ITGA9: variants seen among roughly 807,000 people sequenced by gnomAD.
The protein encoded by ITGA9 is integrin subunit alpha 9.
Under a neutral mutation model 127.8 loss-of-function variants are expected in ITGA9, and 56 were observed. The observed-to-expected ratio is 0.44, with a 90% CI of 0.35 to 0.55. The LOEUF (loss-of-function observed/expected upper bound fraction) is 0.55. Among genes scored for constraint, ITGA9 ranks in the 20% least tolerant of loss-of-function variants. The pLI, the probability that ITGA9 is intolerant of heterozygous loss-of-function variation, is 0.00. For synonymous variants in ITGA9, 508 were observed against 514.5 expected, an observed-to-expected ratio of 0.99 and a Z score of 0.17; for missense variants, 1,196 against 1,347.1, an observed-to-expected ratio of 0.89 and a Z score of 1.76.
At chr3:37,756,343 C>T (rs1440534782) in intron 23 of ITGA9, among the ~76,000 whole-genome samples, 3 of 152,138 alleles carry the variant, frequency 2.0e-5, no homozygotes, top group Non-Finnish European at 4.4e-5. Flanking sequence ...TAACCAACAA[C>T]ACAGCTTTAA....
intron 15 of ITGA9, among the ~76,000 whole-genome samples, chr3:37,610,537 C>CAAG (rs1700006290): frequency 6.6e-6 from 1 of 152,146 alleles, no homozygotes; most frequent in Admixed American, 6.5e-5. Context: ...TATTGGCAAA[C>CAAG]TCTAAGATGA....
At chr3:37,572,200 T>A (rs1699609080) in intron 15 of ITGA9, among the ~76,000 whole-genome samples, 1 of 152,114 alleles carries the variant, frequency 6.6e-6, no homozygotes, top group African/African-American at 2.4e-5. Flanking sequence ...AACCTTGTTT[T>A]TTTCCTGTGT....
chr3:37,685,152 G>A (rs755131186), intron 18 of ITGA9, among the ~76,000 whole-genome samples: 1 of 152,146 alleles, frequency 6.6e-6, no homozygotes, highest in South Asian at 2.1e-4. Context: ...TCTGCCCACC[G>A]ATGAGCACTG....
At chr3:37,634,769 A>G (rs1700262200) in intron 16 of ITGA9, among the ~76,000 whole-genome samples, 1 of 152,210 alleles carries the variant, frequency 6.6e-6, no homozygotes, top group Admixed American at 6.5e-5. Flanking sequence ...ACATATACAC[A>G]ACAGTCCATC....
chr3:37,822,601 C>T lies in ITGA9; in HGVS notation c.*3612C>T, dbSNP rs1056908760. The T allele has an allele frequency of 6.6e-6, 1 of 152,178 alleles. No homozygotes were observed. Among genetic ancestry groups the T allele is most frequent in the Non-Finnish European group, 1.5e-5 (1 of 68,044 alleles). 9.4% of individuals were successfully genotyped at this position (152,178 alleles called of 1,614,324 possible). On this transcript the variant is annotated 3_prime_UTR_variant, in exon 28 of 28. Transcript: ENST00000264741. ...TGTAGAAGATCCACTAGGAAGTCCTCCTTCACCAAATCATGTAGCTACTGC... is the reference window on the plus strand; with the variant it reads ...TGTAGAAGATCCACTAGGAAGTCCTTCTTCACCAAATCATGTAGCTACTGC...
At chr3:37,475,140 C>T (rs1698480071) in intron 3 of ITGA9, among the ~76,000 whole-genome samples, 1 of 152,242 alleles carries the variant, frequency 6.6e-6, no homozygotes, top group African/African-American at 2.4e-5. Context: ...TTCCTCCAGG[C>T]ATGGTGGCCT....
chr3:37,743,991 A>T lies in ITGA9; in HGVS notation c.2390A>T (p.Asp797Val). 2 of 1,614,086 alleles carry T rather than the reference A, an allele frequency of 1.2e-6. No individual in the cohort carries two copies. Among genetic ancestry groups the T allele is most frequent in the East Asian group, 2.2e-5 (1 of 44,866 alleles). ...SVDAANFIQL[D>V]DLECHFQPIN... The stretch of plus-strand genomic sequence containing the variant: ...GACGCAGCCAACTTCATTCAGCTGG[A>T]TGACCTGGAGTGTCACTTTCAGCCC... Residue 797 changes from aspartate to valine, a missense_variant, in exon 22 of 28, where the codon GAT becomes GTT. Transcript: ENST00000264741.
At chr3:37,564,093 C>T (rs1320003774) in intron 15 of ITGA9, among the ~76,000 whole-genome samples, 1 of 152,174 alleles carries the variant, frequency 6.6e-6, no homozygotes, top group African/African-American at 2.4e-5. Flanking sequence ...GCTTTAGAAG[C>T]CCAGGCACGC....
intron 19 of ITGA9, among the ~76,000 whole-genome samples, chr3:37,735,311 G>A (rs1386453785): frequency 1.3e-5 from 2 of 151,678 alleles, no homozygotes; most frequent in South Asian, 2.1e-4. Context: ...TCCTCTTCCC[G>A]CCCTGTCTCC....
chr3:37,498,441 A>C (rs574119263), intron 5 of ITGA9, among the ~76,000 whole-genome samples: 63 of 152,144 alleles, frequency 4.1e-4, no homozygotes, highest in Admixed American at 7.2e-4. Context: ...AGCAGCTGGC[A>C]AGTCAGGCAT....
chr3:37,619,942 C>T (rs1173814485), intron 15 of ITGA9, among the ~76,000 whole-genome samples: 1 of 152,212 alleles, frequency 6.6e-6, no homozygotes, highest in African/African-American at 2.4e-5. Flanking sequence ...TTGACACTTG[C>T]ACTCCAACCC....
intron 15 of ITGA9, among the ~76,000 whole-genome samples, chr3:37,569,213 G>T (rs1277321445): frequency 4.6e-5 from 7 of 152,224 alleles, no homozygotes; most frequent in Non-Finnish European, 1.0e-4. Context: ...GAGAGAACTT[G>T]TGCTGGGGAA....
intron 16 of ITGA9, among the ~76,000 whole-genome samples, chr3:37,638,767 T>C (rs770954746): frequency 6.6e-6 from 1 of 152,158 alleles, no homozygotes; most frequent in South Asian, 2.1e-4. Flanking sequence ...AGAGTTGGGG[T>C]CTGCCCCCAC....
chr3:37,638,203 T>C (rs1295362418), intron 16 of ITGA9, among the ~76,000 whole-genome samples: 3 of 152,074 alleles, frequency 2.0e-5, no homozygotes, highest in African/African-American at 7.2e-5. Context: ...TCTAGAGATA[T>C]GGAAATAATC....
Position 37,735,626 on chromosome 3 carries a change from C to T in ITGA9, c.2155-1278C>T, listed in dbSNP as rs932302288. Among the ~76,000 whole-genome samples, 12 of 152,122 alleles carry T rather than the reference C, an allele frequency of 7.9e-5. 1 individual carries two copies. In the South Asian group the frequency reaches 1.2e-3, roughly 16 times the overall value. ...TGAAATGCAAAGACAGTATCTTAGC[C>T]AAGATCACAGTCAGTTTGTGGTGGA... On this transcript the variant is annotated intron_variant, in intron 19 of 27. Coordinates refer to ENST00000264741, the MANE Select transcript of ITGA9 (RefSeq NM_002207.3).
At chr3:37,772,222 A>G (rs960875414) in intron 23 of ITGA9, among the ~76,000 whole-genome samples, 4 of 152,124 alleles carry the variant, frequency 2.6e-5, no homozygotes, top group Admixed American at 6.5e-5. Flanking sequence ...CCTGACCAAT[A>G]TGGTGAAACC....
At position 37,452,543 on chromosome 3, in the gene ITGA9, CACG is replaced by C. The variant is rs1466087409; in HGVS notation, c.172_174del (p.Asp58del). 7.2e-5 allele frequency: 109 copies of C among 1,524,204 alleles called. No individual in the cohort carries two copies. Among genetic ancestry groups the C allele is most frequent in the Non-Finnish European group, 9.6e-5 (109 of 1,135,656 alleles). 94.4% of individuals were successfully genotyped at this position (1,524,204 alleles called of 1,614,324 possible). On this transcript the variant is annotated inframe_deletion, in exon 1 of 28. Coordinates refer to ENST00000264741, the MANE Select transcript of ITGA9 (RefSeq NM_002207.3). This position sits in a 1 kb window ranked among gnomAD's most constrained non-coding sequence, Gnocchi z 7.3. ...CGGCTACGCAGTTCTGGAGCATTTC[CACG>C]ACAACACGCGCTGGTGAGTGCCCGC... is the stretch of plus-strand genomic sequence containing the variant.
Position 37,519,018 on chromosome 3 carries a change from C to T in ITGA9, c.1142-242C>T, listed in dbSNP as rs1699016669. ...CAGGCTGGTCTTAAACTCTTGACCT[C>T]AGGCGACCTGCCCGCCTTGGCCTGC... is the stretch of plus-strand genomic sequence containing the variant. On this transcript the variant is annotated intron_variant, in intron 10 of 27. Transcript: ENST00000264741. Among the ~76,000 whole-genome samples the T allele has an allele frequency of 1.3e-5, 2 of 151,498 alleles. 1 individual carries two copies. Among genetic ancestry groups the T allele is most frequent in the South Asian group, 4.2e-4 (2 of 4,808 alleles).
In ITGA9 at chr3:37,519,277, C is replaced by T. The variant is rs777691627; in HGVS notation, c.1159C>T (p.Pro387Ser). Residue 387 changes from proline to serine, a missense_variant, in exon 11 of 28, where the codon CCC becomes TCC. Pro to Ser is a moderately conservative substitution (Grantham distance 74, BLOSUM62 -1). Transcript: ENST00000264741. ...DGFPDVAIGA[P>S]KEDDFAGAVY... Reference sequence around the variant, plus strand: ...ACCCTCAGATGTGGCCATTGGTGCACCCAAGGAGGATGACTTCGCAGGGGC... The same window carrying T: ...ACCCTCAGATGTGGCCATTGGTGCATCCAAGGAGGATGACTTCGCAGGGGC... 1.9e-6 allele frequency: 3 copies of T among 1,614,032 alleles called. No homozygotes were observed. Among genetic ancestry groups the T allele is most frequent in the Non-Finnish European group, 1.7e-6 (2 of 1,179,946 alleles).
Sources: allele counts gnomAD v4.1 joint callset (sites outside exome capture counted in the v4.1 genomes callset), GRCh38; gene constraint gnomAD v4.1.1; non-coding constraint Gnocchi (gnomAD v3.1); transcripts MANE v1.5; gene names NCBI Gene and HGNC (gene_info 2026-07-23, HGNC 2026-07-21).